The following ANLN variants were observed in gnomAD, a reference collection of about 807,000 sequenced individuals.
ANLN encodes anillin, actin binding protein.
ANLN carries 59 observed loss-of-function variants against 135.1 expected under a neutral mutation model. The ratio of observed to expected loss-of-function variants is 0.44; its 90% CI spans 0.35 to 0.54. The LOEUF (loss-of-function observed/expected upper bound fraction) is 0.54, where lower values mean the gene tolerates loss of function less well. Among genes scored for constraint, ANLN ranks in the 20% least tolerant of loss-of-function variants. ANLN has a pLI of 0.00. For missense variants in ANLN, 1,182 were observed against 1,340.0 expected (o/e 0.88, Z 1.84); for synonymous variants, 406 against 456.4 (o/e 0.89, Z 1.41).
chr7:36,405,923 CCTAT>C (rs1463963870), intron 3 of ANLN, among the ~76,000 whole-genome samples: 1 of 151,388 alleles, frequency 6.6e-6, no homozygotes, highest in African/African-American at 2.5e-5. Context: ...AAAAATATAA[CCTAT>C]CTTATTCATG....
intron 14 of ANLN, among the ~76,000 whole-genome samples, chr7:36,423,149 A>G (rs1048760022): frequency 2.0e-5 from 3 of 152,142 alleles, no homozygotes; most frequent in African/African-American, 7.2e-5. Flanking sequence ...GGAATACTGA[A>G]CTGATTTATA....
chr7:36,447,954 C>T (rs1043404189), intron 22 of ANLN, among the ~76,000 whole-genome samples: 8 of 151,892 alleles, frequency 5.3e-5, no homozygotes, highest in African/African-American at 1.9e-4. Flanking sequence ...TACACTGCTG[C>T]ACACACACAC....
chr7:36,433,167 T>C (rs1214942265), intron 20 of ANLN, among the ~76,000 whole-genome samples: 1 of 152,208 alleles, frequency 6.6e-6, no homozygotes, highest in Non-Finnish European at 1.5e-5. Context: ...CTGGTCCTTA[T>C]ATTTACCATT....
rs12668138 is a variant in ANLN, at chr7:36,438,829, G to A, written c.2884-375G>A. Reference sequence around the variant, plus strand: ...AAGGACTGGCTTTTCCATATCTGCAGTTTATTGTTCTTTATTGCTGGGTGG... The same window carrying A: ...AAGGACTGGCTTTTCCATATCTGCAATTTATTGTTCTTTATTGCTGGGTGG... On this transcript the variant is annotated intron_variant, in intron 20 of 23. Coordinates refer to ENST00000265748, the MANE Select transcript of ANLN (RefSeq NM_018685.5). 3.1e-3 allele frequency among the ~76,000 whole-genome samples: 478 copies of A among 152,278 alleles called. 12 individuals are homozygous for A. The East Asian group carries it at 0.05, about 16-fold the overall frequency.
intron 20 of ANLN, among the ~76,000 whole-genome samples, chr7:36,438,560 C>T (rs761308328): frequency 1.3e-5 from 2 of 152,020 alleles, no homozygotes; most frequent in African/African-American, 2.4e-5. Context: ...TTAATAGAGA[C>T]GAGGTCTCGC....
chr7:36,409,472 G>A (rs1787322061), intron 5 of ANLN, among the ~76,000 whole-genome samples: 1 of 152,046 alleles, frequency 6.6e-6, no homozygotes, highest in Admixed American at 6.5e-5. Flanking sequence ...AGGCCATATG[G>A]CCCACAAAGC....
intron 3 of ANLN, 76 bp downstream of exon 3, chr7:36,399,469 A>T: frequency 7.9e-7 from 1 of 1,268,960 alleles, no homozygotes; most frequent in Non-Finnish European, 1.1e-6. Context: ...ACATTTTATC[A>T]GTTAACTCAT....
In ANLN at chr7:36,452,532, A is replaced by T; in HGVS notation, c.3307A>T (p.Asn1103Tyr). ...GCGGGATCTCTGGATGCAAAAACTCAATCAAGTTCTTGTTGATATTCGCCT... is the reference window on the plus strand; with the variant it reads ...GCGGGATCTCTGGATGCAAAAACTCTATCAAGTTCTTGTTGATATTCGCCT... ...EERDLWMQKL[N>Y]QVLVDIRLWQ... The change falls in exon 24 of 24, where the codon AAT becomes TAT. Residue 1103 changes from asparagine (N) to tyrosine (Y), a missense_variant. Asn to Tyr is a moderately radical substitution (Grantham distance 143). Around this residue, in one of 3 missense-constraint regions of ANLN, gnomAD observed 78 missense variants for 72.7 expected, o/e 1.07. Coordinates refer to ENST00000265748, the MANE Select transcript of ANLN (RefSeq NM_018685.5). 6.2e-7 allele frequency: 1 copy of T among 1,614,086 alleles called. No homozygotes were observed.
chr7:36,409,615 A>G (rs1421948015), intron 5 of ANLN, among the ~76,000 whole-genome samples: 1 of 152,064 alleles, frequency 6.6e-6, no homozygotes, highest in African/African-American at 2.4e-5. Flanking sequence ...GCCCTACTTT[A>G]AATTTACTTC....
intron 2 of ANLN, among the ~76,000 whole-genome samples, chr7:36,398,697 A>T (rs1786808457): frequency 6.6e-6 from 1 of 151,912 alleles, no homozygotes; most frequent in South Asian, 2.1e-4. Flanking sequence ...GATTTGTGAG[A>T]TTTTGGTGCA....
intron 23 of ANLN, among the ~76,000 whole-genome samples, chr7:36,451,462 C>T (rs1789239977): frequency 6.6e-6 from 1 of 152,146 alleles, no homozygotes; most frequent in Non-Finnish European, 1.5e-5. Flanking sequence ...TTTGCTGGCC[C>T]TCTGAAATCT....
chr7:36,447,826 A>C (rs1252686299), intron 22 of ANLN, among the ~76,000 whole-genome samples: 1 of 151,978 alleles, frequency 6.6e-6, no homozygotes, highest in Non-Finnish European at 1.5e-5. Context: ...TGTTTCTAGA[A>C]TTTTTCTTTT....
chr7:36,393,143 C>G (rs1289595076), intron 1 of ANLN, among the ~76,000 whole-genome samples: 2 of 151,914 alleles, frequency 1.3e-5, no homozygotes, highest in South Asian at 4.1e-4. Context: ...CCTGCCTCAG[C>G]CTCCCAAGTA....
intron 20 of ANLN, among the ~76,000 whole-genome samples, chr7:36,436,221 A>C (rs879327875): frequency 6.6e-6 from 1 of 152,206 alleles, no homozygotes; most frequent in Non-Finnish European, 1.5e-5. Flanking sequence ...TACAATATGT[A>C]ACTTTTTATG....
chr7:36,435,931 T>C (rs979022331), intron 20 of ANLN, among the ~76,000 whole-genome samples: 16 of 148,204 alleles, frequency 1.1e-4, no homozygotes, highest in Non-Finnish European at 2.4e-4. Context: ...TTTATGTTAG[T>C]AGTTCATTGT....
intron 8 of ANLN, among the ~76,000 whole-genome samples, chr7:36,416,423 G>T (rs1370883209): frequency 2.6e-5 from 4 of 152,206 alleles, no homozygotes; most frequent in African/African-American, 9.6e-5. Flanking sequence ...CTCTGGCTAG[G>T]ACTTTCAATG....
Position 36,425,995 on chromosome 7 carries a change from A to AC in ANLN, c.2749-18dup. On this transcript the variant is annotated intron_variant, in intron 18 of 23. Transcript: ENST00000265748. ...GAAATAACTTATGTTTCTTCTTCAC[A>AC]CCTTTTTTTTTTTTTTTAGAAAAGC... 2 of 1,457,958 alleles carry AC rather than the reference A, an allele frequency of 1.4e-6. No homozygotes were observed. Among genetic ancestry groups the AC allele is most frequent in the Admixed American group, 2.4e-5 (1 of 41,834 alleles). 90.3% of individuals were successfully genotyped at this position (1,457,958 alleles called of 1,614,324 possible).
At chr7:36,451,696 A>G (rs1048258399) in intron 23 of ANLN, among the ~76,000 whole-genome samples, 9 of 152,190 alleles carry the variant, frequency 5.9e-5, no homozygotes, top group African/African-American at 2.2e-4. Flanking sequence ...AACTTCACTT[A>G]TTCATGTTTA....
Position 36,410,712 on chromosome 7 carries a change from G to A in ANLN, c.1287+8G>A. 1 of 1,610,276 alleles carries A rather than the reference G, an allele frequency of 6.2e-7. No individual in the cohort carries two copies. The highest frequency in any genetic ancestry group is 8.5e-7 in the Non-Finnish European group (1 of 1,178,014). On this transcript the variant is annotated splice_region_variant and intron_variant, in intron 6 of 23. Coordinates refer to ENST00000265748, the MANE Select transcript of ANLN (RefSeq NM_018685.5). ...GCACAACAGCTCAAGCAGGTATGGT[G>A]TACTGCATTTAACATTATTCATCAC...
Sources: allele counts gnomAD v4.1 joint callset (sites outside exome capture counted in the v4.1 genomes callset), GRCh38; gene constraint gnomAD v4.1.1; regional missense constraint gnomAD v4.1.1; transcripts MANE v1.5; gene names NCBI Gene and HGNC (gene_info 2026-07-23, HGNC 2026-07-21).